The following CTNNA3 variants were observed in gnomAD, a reference collection of about 807,000 sequenced individuals.
The protein encoded by CTNNA3 is catenin alpha 3.
Under a neutral mutation model 95.7 loss-of-function variants are expected in CTNNA3, and 76 were observed. The observed-to-expected ratio is 0.79, with a 90% CI of 0.66 to 0.96. The LOEUF is 0.96. Among genes scored for constraint, CTNNA3 ranks in the 40% least tolerant of loss-of-function variants. The pLI, the probability that CTNNA3 is intolerant of heterozygous loss-of-function variation, is 0.00. For missense variants in CTNNA3, 1,191 were observed against 1,089.8 expected, an observed-to-expected ratio of 1.09 and a Z score of -1.31; for synonymous variants, 431 against 374.4, an observed-to-expected ratio of 1.15 and a Z score of -1.74.
intron 5 of CTNNA3, among the ~76,000 whole-genome samples, chr10:67,409,516 A>G (rs530956945): frequency 5.3e-4 from 80 of 152,110 alleles, no homozygotes; most frequent in Middle Eastern, 3.4e-3. Context: ...GCTCTCACTT[A>G]TAAGTGGGAG....
chr10:66,886,506 A>G (rs570702256), intron 7 of CTNNA3, among the ~76,000 whole-genome samples: 10 of 152,068 alleles, frequency 6.6e-5, no homozygotes, highest in Non-Finnish European at 1.3e-4. Context: ...TTCTGCCTAC[A>G]TGCTTACCTC....
At chr10:66,633,424 T>C (rs1222380920) in intron 9 of CTNNA3, among the ~76,000 whole-genome samples, 1 of 152,196 alleles carries the variant, frequency 6.6e-6, no homozygotes, top group Non-Finnish European at 1.5e-5. Flanking sequence ...CTCACGCCTG[T>C]AATCCCAGCA....
chr10:66,612,351 G>T (rs1229536314), intron 10 of CTNNA3, among the ~76,000 whole-genome samples: 2 of 152,048 alleles, frequency 1.3e-5, no homozygotes, highest in African/African-American at 4.8e-5. Flanking sequence ...CAGCTGTGAT[G>T]ATGTCACTCT....
At position 66,959,769 on chromosome 10, in the gene CTNNA3, A is replaced by T. The variant is rs1243229971; in HGVS notation, c.1048-184245T>A. Among the ~76,000 whole-genome samples the T allele has an allele frequency of 2.6e-5, 4 of 152,110 alleles. No homozygotes were observed. In the East Asian group the frequency reaches 7.7e-4, roughly 29 times the overall value. On this transcript the variant is annotated intron_variant, in intron 7 of 17. Transcript: ENST00000433211. ...ACCTTTCTTTCTTTTCCTAGCTTTAATTTTCTCTCTATCCGACCAGAAACT... is the reference window on the plus strand; with the variant it reads ...ACCTTTCTTTCTTTTCCTAGCTTTATTTTTCTCTCTATCCGACCAGAAACT...
intron 5 of CTNNA3, among the ~76,000 whole-genome samples, chr10:67,237,707 C>T (rs1865554785): frequency 6.6e-6 from 1 of 152,014 alleles, no homozygotes; most frequent in Admixed American, 6.6e-5. Context: ...ATACAGGAAA[C>T]CTAAGCATGA....
At chr10:67,066,669 A>T (rs1317303914) in intron 7 of CTNNA3, among the ~76,000 whole-genome samples, 1 of 152,094 alleles carries the variant, frequency 6.6e-6, no homozygotes, top group Non-Finnish European at 1.5e-5. Context: ...TGACTTTCTC[A>T]TCTTGAATAA....
intron 13 of CTNNA3, among the ~76,000 whole-genome samples, chr10:66,270,681 C>A (rs1230496638): frequency 6.6e-6 from 1 of 152,140 alleles, no homozygotes; most frequent in Non-Finnish European, 1.5e-5. Flanking sequence ...GTGGGAGATG[C>A]TATTTTTAGA....
chr10:66,519,394 A>T lies in CTNNA3; in HGVS notation c.1531+1223T>A, dbSNP rs908244617. On this transcript the variant is annotated intron_variant, in intron 11 of 17. Transcript: ENST00000433211. Reference sequence around the variant, plus strand: ...TCTTTAGATTAGCACTGTCAAATACATATAATGGTTGTTGAATTATCATAT... The same window carrying T: ...TCTTTAGATTAGCACTGTCAAATACTTATAATGGTTGTTGAATTATCATAT... Among the ~76,000 whole-genome samples the T allele has an allele frequency of 5.3e-5, 8 of 152,206 alleles. No individual in the cohort carries two copies. In the South Asian group the frequency reaches 1.7e-3, roughly 32 times the overall value.
chr10:66,379,164 G>C lies in CTNNA3; in HGVS notation c.1720C>G (p.Leu574Val), dbSNP rs1179784105. The change falls in exon 12 of 18, where the codon CTT becomes GTT. Residue 574 changes from leucine (L) to valine (V), a missense_variant. Transcript: ENST00000433211. ...TEGVMRNVNF[L>V]TSTVIPEFVT... Reference sequence around the variant, plus strand: ...GCAACTGACTTACCAGTACTTGTAAGGAAGTTAACATTTCTCATTACACCT... The same window carrying C: ...GCAACTGACTTACCAGTACTTGTAACGAAGTTAACATTTCTCATTACACCT... The C allele has an allele frequency of 6.2e-7, 1 of 1,613,722 alleles. No individual in the cohort carries two copies. Among genetic ancestry groups the C allele is most frequent in the African/African-American group, 1.3e-5 (1 of 75,040 alleles).
chr10:67,060,335 A>G (rs1855690677), intron 7 of CTNNA3, among the ~76,000 whole-genome samples: 1 of 152,196 alleles, frequency 6.6e-6, no homozygotes, highest in Non-Finnish European at 1.5e-5. Flanking sequence ...TTTTAAAAAA[A>G]TTCTGTAAAT....
intron 13 of CTNNA3, among the ~76,000 whole-genome samples, chr10:66,225,903 C>T (rs973626700): frequency 6.6e-6 from 1 of 151,998 alleles, no homozygotes; most frequent in Non-Finnish European, 1.5e-5. Context: ...ATATTTTGCT[C>T]ATTTTAAAAA....
chr10:66,159,627 T>G (rs935800456), intron 13 of CTNNA3, among the ~76,000 whole-genome samples: 1 of 54,928 alleles, frequency 1.8e-5, no homozygotes, highest in South Asian at 4.9e-4. Flanking sequence ...TTGTTTTCTG[T>G]TTTTTTTTTT....
chr10:66,644,142 T>G (rs1334079753), intron 9 of CTNNA3, among the ~76,000 whole-genome samples: 4 of 151,656 alleles, frequency 2.6e-5, no homozygotes, highest in Non-Finnish European at 5.9e-5. Flanking sequence ...CCTGTAGTCC[T>G]AGCTACTTGG....
chr10:67,495,684 C>A (rs1462399099), intron 5 of CTNNA3, among the ~76,000 whole-genome samples: 1 of 152,148 alleles, frequency 6.6e-6, no homozygotes, highest in Non-Finnish European at 1.5e-5. Context: ...CTTGGTTATG[C>A]CTATTGTCTC....
rs200628758 is a variant in CTNNA3 at position 66,063,296 on chromosome 10, ATC to A, written c.2159+6010_2159+6011del. On this transcript the variant is annotated intron_variant, in intron 15 of 17. Transcript: ENST00000433211. ...TATCCAGTTGGATATGTATGTATAA[ATC>A]TCTCTCTCTATATATATATATAATA... Among the ~76,000 whole-genome samples, 6 of 124,232 alleles carry A rather than the reference ATC, an allele frequency of 4.8e-5. No homozygotes were observed. In the East Asian group the frequency reaches 8.0e-4, roughly 17 times the overall value. 81.5% of individuals were successfully genotyped at this position (124,232 alleles called of 152,430 possible). A position where few individuals can be genotyped will look rare whatever the true frequency, so the allele number is the denominator to read the frequency against.
intron 11 of CTNNA3, among the ~76,000 whole-genome samples, chr10:66,385,434 T>C (rs2092881462): frequency 6.6e-6 from 1 of 152,048 alleles, no homozygotes; most frequent in South Asian, 2.1e-4. Context: ...GGCTCTGAAA[T>C]TGAGGCAAAA....
At chr10:67,577,138 C>T (rs1371522069) in intron 3 of CTNNA3, among the ~76,000 whole-genome samples, 2 of 151,270 alleles carry the variant, frequency 1.3e-5, no homozygotes, top group East Asian at 4.0e-4. Flanking sequence ...CACTGACTTC[C>T]ACAATGGTTG....
chr10:67,319,881 A>G, intron 5 of CTNNA3, among the ~76,000 whole-genome samples: 2 of 129,786 alleles, frequency 1.5e-5, no homozygotes, highest in Admixed American at 9.4e-5. Flanking sequence ...GGGTGACAAG[A>G]GCGAGACTCA....
intron 10 of CTNNA3, among the ~76,000 whole-genome samples, chr10:66,547,878 T>C (rs1191908392): frequency 6.6e-6 from 1 of 152,062 alleles, no homozygotes; most frequent in Admixed American, 6.6e-5. Context: ...TGCATACAGG[T>C]CTTGCATAAC....
Sources: gnomAD v4.1 joint callset for allele counts (sites outside exome capture counted in the v4.1 genomes callset) on GRCh38, gnomAD v4.1.1 for gene constraint, MANE v1.5 for transcripts, NCBI Gene and HGNC (gene_info 2026-07-23, HGNC 2026-07-21) for gene names.